The following WASHC2C variants were observed in gnomAD, a reference collection of about 807,000 sequenced individuals.
The protein encoded by WASHC2C is Vaccinia Penetration Factor.
Under a neutral mutation model 142.2 loss-of-function variants are expected in WASHC2C, and 73 were observed. That is an observed-to-expected ratio of 0.51 (90% CI 0.43 to 0.62). WASHC2C has a LOEUF of 0.62. WASHC2C is among the 20% of genes least tolerant of loss of function. The probability of loss-of-function intolerance (pLI) is 0.00; values close to 1 mark genes in which losing one functional copy is unlikely to be tolerated. For synonymous variants in WASHC2C, 337 were observed against 565.5 expected, an observed-to-expected ratio of 0.60 and a Z score of 5.73; for missense variants, 969 against 1,531.7, an observed-to-expected ratio of 0.63 and a Z score of 6.13.
intron 28 of WASHC2C, among the ~76,000 whole-genome samples, chr10:45,788,508 G>A (rs2573468): frequency 6.6e-6 from 1 of 152,236 alleles, no homozygotes; most frequent in South Asian, 2.1e-4. Context: ...CCACGTTTCT[G>A]TTGAGGGTAG....
chr10:45,773,892 C>CAAAAAAAAAAAAAAAAAA (rs71023148), intron 21 of WASHC2C, among the ~76,000 whole-genome samples: 1 of 31,096 alleles, frequency 3.2e-5, no homozygotes, highest in African/African-American at 1.3e-4. Flanking sequence ...TACTGCAGGC[C>CAAAAAAAAAAAAAAAAAA]AAAAAAAAAA....
chr10:45,783,518 G>A (rs1308299892), intron 23 of WASHC2C, among the ~76,000 whole-genome samples: 1 of 152,158 alleles, frequency 6.6e-6, no homozygotes, highest in African/African-American at 2.4e-5. Context: ...CTGGAGTGCA[G>A]TGGCATGATC....
chr10:45,769,500 T>G lies in WASHC2C; in HGVS notation c.1921T>G (p.Ser641Ala), dbSNP rs2056351086. The part of the protein sequence containing the change: ...SQTHLASDSR[S>A]KGEPRDSGTL... Reference sequence around the variant, plus strand: ...GACCCACTTAGCATCTGACAGCAGGTCTAAAGGAGAACCCAGGGATTCTGG... The same window carrying G: ...GACCCACTTAGCATCTGACAGCAGGGCTAAAGGAGAACCCAGGGATTCTGG... The change falls in exon 20 of 31, where the codon TCT becomes GCT. Residue 641 changes from serine to alanine, a missense_variant. Ser to Ala is a moderately conservative substitution (Grantham distance 99). Coordinates refer to ENST00000623400, the MANE Select transcript of WASHC2C (RefSeq NM_001330074.2). 1 of 1,611,274 alleles carries G rather than the reference T, an allele frequency of 6.2e-7. No homozygotes were observed. The highest frequency in any genetic ancestry group is 8.5e-7 in the Non-Finnish European group (1 of 1,179,680).
chr10:45,766,526 A>G (rs2055846174), intron 19 of WASHC2C, among the ~76,000 whole-genome samples: 1 of 146,208 alleles, frequency 6.8e-6, no homozygotes, highest in African/African-American at 2.6e-5. Context: ...TCAAATGCCA[A>G]GGTGTCATAT....
At chr10:45,746,987 C>T (rs1294064813) in intron 8 of WASHC2C, among the ~76,000 whole-genome samples, 1 of 152,194 alleles carries the variant, frequency 6.6e-6, no homozygotes, top group Non-Finnish European at 1.5e-5. Context: ...CTAGCAGTAA[C>T]ATTATTGAGT....
rs2052843095 is a variant in WASHC2C, at chr10:45,746,457, T to C, written c.685-143T>C. 78 of 976,282 alleles carry C rather than the reference T, an allele frequency of 8.0e-5. 2 individuals carry two copies. In the South Asian group the frequency reaches 9.3e-4, roughly 12 times the overall value. The allele number at this position is 976,282 out of a possible 1,614,324, so 60.5% of individuals were successfully genotyped here. A position where few individuals can be genotyped will look rare whatever the true frequency, so the allele number is the denominator to read the frequency against. ...GCACCTTGATACTTAAGGTGACCAG[T>C]AGTCAGTACAAAGAGACTGAGTGTC... On this transcript the variant is annotated intron_variant, in intron 7 of 30. Coordinates refer to ENST00000623400, the MANE Select transcript of WASHC2C (RefSeq NM_001330074.2).
chr10:45,783,452 GTTTTTTTGT>G (rs1481749899), intron 23 of WASHC2C, among the ~76,000 whole-genome samples: 8 of 151,876 alleles, frequency 5.3e-5, no homozygotes, highest in Non-Finnish European at 1.2e-4. Context: ...AGTTTTTTTG[GTTTTTTTGT>G]TTTGTTTTGT....
chr10:45,751,579 ATT>A (rs1564737236), intron 11 of WASHC2C, 26 bp downstream of exon 11: 4 of 1,112,162 alleles, frequency 3.6e-6, no homozygotes, highest in Non-Finnish European at 5.1e-6. Flanking sequence ...CAATTCTGTT[ATT>A]TTAGGAGCCT....
chr10:45,761,367 C>G (rs145123129), intron 17 of WASHC2C, among the ~76,000 whole-genome samples: 9,457 of 147,232 alleles, frequency 0.064, 326 homozygotes, highest in African/African-American at 0.098. Context: ...TGGTCCTTTT[C>G]CTTCATTTGT....
At chr10:45,768,648 T>C (rs1397160534) in intron 19 of WASHC2C, among the ~76,000 whole-genome samples, 2 of 152,216 alleles carry the variant, frequency 1.3e-5, no homozygotes, top group East Asian at 3.8e-4. Flanking sequence ...AAAGGCCACA[T>C]TCAGACTTGT....
In WASHC2C at chr10:45,792,719, T is replaced by C. The variant is rs1044720; in HGVS notation, c.*319T>C. The C allele has an allele frequency of 5.6e-6, 3 of 534,174 alleles. No individual in the cohort carries two copies. The highest frequency in any genetic ancestry group is 3.4e-5 in the South Asian group (2 of 58,564). The allele number at this position is 534,174 out of a possible 1,614,324, so 33.1% of individuals were successfully genotyped here. A position where few individuals can be genotyped will look rare whatever the true frequency, so the allele number is the denominator to read the frequency against. ...TTGTGGCTTTCATGGGCAGGGAATC[T>C]CAGAGATAGCAAATGCCACCTGACC... is the stretch of plus-strand genomic sequence containing the variant. On this transcript the variant is annotated 3_prime_UTR_variant, in exon 31 of 31. Coordinates refer to ENST00000623400, the MANE Select transcript of WASHC2C (RefSeq NM_001330074.2).
At chr10:45,761,410 T>G (rs1470934671) in intron 17 of WASHC2C, among the ~76,000 whole-genome samples, 1 of 152,280 alleles carries the variant, frequency 6.6e-6, no homozygotes, top group African/African-American at 2.4e-5. Context: ...CCATCCAGGT[T>G]TATGGGGAGA....
rs182830939 is a variant in WASHC2C, at chr10:45,732,296, C to T, written c.291+3270C>T. ...ATATTATAAAGTTAGTGAAACAATC[C>T]GTACTTTCTAGGGCGAGAACAGTCA... On this transcript the variant is annotated intron_variant, in intron 3 of 30. Coordinates refer to ENST00000623400, the MANE Select transcript of WASHC2C (RefSeq NM_001330074.2). Among the ~76,000 whole-genome samples the T allele has an allele frequency of 3.8e-3, 579 of 152,212 alleles. 1 individual carries two copies. Among genetic ancestry groups the T allele is most frequent in the African/African-American group, 0.013 (534 of 41,526 alleles).
chr10:45,749,109 T>A (rs1344137233), intron 8 of WASHC2C, among the ~76,000 whole-genome samples: 1 of 152,084 alleles, frequency 6.6e-6, no homozygotes, highest in Non-Finnish European at 1.5e-5. Context: ...ATGCTGATGA[T>A]GTTTATATTT....
rs564549954 is a variant in WASHC2C, at chr10:45,787,391, C to G, written c.3087+144C>G. ...CTCATCCTTCCTTCAGCCGCTCCCC[C>G]CTCCATTCTCCCCACCCCCCTCATC... On this transcript the variant is annotated intron_variant, in intron 28 of 30. Coordinates refer to ENST00000623400, the MANE Select transcript of WASHC2C (RefSeq NM_001330074.2). 1.3e-4 allele frequency: 188 copies of G among 1,483,140 alleles called. 6 individuals carry two copies. The highest frequency in any genetic ancestry group is 2.2e-4 in the Admixed American group (11 of 50,984). 91.9% of individuals were successfully genotyped at this position (1,483,140 alleles called of 1,614,324 possible). A position where few individuals can be genotyped will look rare whatever the true frequency, so the allele number is the denominator to read the frequency against.
intron 10 of WASHC2C, 114 bp downstream of exon 10, chr10:45,750,952 G>C (rs2053511975): frequency 2.4e-6 from 2 of 844,074 alleles, no homozygotes; most frequent in Admixed American, 2.9e-5. Flanking sequence ...ATATTTATTA[G>C]TAATTGCTAC....
intron 16 of WASHC2C, among the ~76,000 whole-genome samples, chr10:45,757,607 A>AC (rs1554877863): frequency 1.3e-5 from 2 of 152,114 alleles, no homozygotes; most frequent in African/African-American, 4.8e-5. Flanking sequence ...TTGCAAAATC[A>AC]CCCCAACAAA....
chr10:45,777,274 A>T lies in WASHC2C; in HGVS notation c.2144A>T (p.Lys715Ile). 1.3e-6 allele frequency: 2 copies of T among 1,590,280 alleles called. No individual in the cohort carries two copies. The highest frequency in any genetic ancestry group is 1.7e-6 in the Non-Finnish European group (2 of 1,163,702). Residue 715 changes from lysine to isoleucine, a missense_variant and splice_region_variant, in exon 22 of 31, where the codon AAA becomes ATA. Physicochemically the swap from Lys to Ile is moderately radical, Grantham distance 102. Coordinates refer to ENST00000623400, the MANE Select transcript of WASHC2C (RefSeq NM_001330074.2). ...TGTCATGTACTCTTCTTTTGGTAGAAAAAAGAGACTGTCTCTGAGGCACCA... is the reference window on the plus strand; with the variant it reads ...TGTCATGTACTCTTCTTTTGGTAGATAAAAGAGACTGTCTCTGAGGCACCA... ...PPTSVPPATK[K>I]KETVSEAPPL...
chr10:45,757,799 G>C (rs1164728050), intron 16 of WASHC2C, among the ~76,000 whole-genome samples: 1 of 152,352 alleles, frequency 6.6e-6, no homozygotes, highest in East Asian at 1.9e-4. Flanking sequence ...CTTCCTATGA[G>C]AATCTGATGC....
Sources: allele counts gnomAD v4.1 joint callset (sites outside exome capture counted in the v4.1 genomes callset), GRCh38; gene constraint gnomAD v4.1.1; transcripts MANE v1.5; gene names NCBI Gene and HGNC (gene_info 2026-07-23, HGNC 2026-07-21).